The following ASB13 variants were observed in gnomAD, a reference collection of about 807,000 sequenced individuals.
ASB13 encodes ankyrin repeat and SOCS box containing 13, also known as ankyrin repeat and SOCS box protein 13.
A neutral mutation model predicts 28.8 loss-of-function variants in ASB13; 33 were observed. The observed-to-expected ratio is 1.15, with a 90% CI of 0.87 to 1.53. The LOEUF is 1.53. ASB13 is among the 40% of genes most tolerant of loss of function. The pLI is 0.00. For missense variants in ASB13, 414 were observed against 390.1 expected, an observed-to-expected ratio of 1.06 and a Z score of -0.52; for synonymous variants, 182 against 172.9, an observed-to-expected ratio of 1.05 and a Z score of -0.41.
Position 5,644,498 on chromosome 10 carries a change from A to C in ASB13, c.518-2537T>G, listed in dbSNP as rs1834853761. On this transcript the variant is annotated intron_variant, in intron 4 of 5. Coordinates refer to ENST00000357700, the MANE Select transcript of ASB13 (RefSeq NM_024701.4). This position sits in a 1 kb window ranked among gnomAD's most constrained non-coding sequence, Gnocchi z 5.1. ...ATGACAGAGTGAGGCCCATAGTGAG[A>C]AAGAGAACATAAACAGGTACTCGTT... is the stretch of plus-strand genomic sequence containing the variant. 6.6e-6 allele frequency among the ~76,000 whole-genome samples: 1 copy of C among 151,842 alleles called. No homozygotes were observed. Among genetic ancestry groups the C allele is most frequent in the Non-Finnish European group, 1.5e-5 (1 of 67,960 alleles).
In ASB13 at chr10:5,659,457, A is replaced by G. The variant is rs932085796; in HGVS notation, c.44-6407T>C. On this transcript the variant is annotated intron_variant, in intron 1 of 5. Coordinates refer to ENST00000357700, the MANE Select transcript of ASB13 (RefSeq NM_024701.4). The surrounding 1 kb of genome is among the most constrained non-coding windows in gnomAD (Gnocchi z 5.8). ...AGGCCCTGTCCCCAGGCTCCCCGTCATGCACACAGCCGTGTCCAGTGACAC... is the reference window on the plus strand; with the variant it reads ...AGGCCCTGTCCCCAGGCTCCCCGTCGTGCACACAGCCGTGTCCAGTGACAC... 2.0e-5 allele frequency among the ~76,000 whole-genome samples: 3 copies of G among 152,174 alleles called. No individual in the cohort carries two copies. Among genetic ancestry groups the G allele is most frequent in the Non-Finnish European group, 4.4e-5 (3 of 68,022 alleles).
At chr10:5,648,584 AGGCAAACACCCCC>A (rs1564217039) in intron 4 of ASB13, among the ~76,000 whole-genome samples, 1 of 106,754 alleles carries the variant, frequency 9.4e-6, no homozygotes, top group East Asian at 3.7e-4. Context: ...ACACCCACGC[AGGCAAACACCCCC>A]TCGGGTAAAC....
In ASB13 at chr10:5,649,063, T is replaced by C. The variant is rs1203605858; in HGVS notation, c.424A>G (p.Asn142Asp). 1.2e-6 allele frequency: 2 copies of C among 1,614,134 alleles called. No homozygotes were observed. The highest frequency in any genetic ancestry group is 2.2e-5 in the East Asian group (1 of 44,894). ...CVRLLIDVGA[N>D]LEAHDCHFGT... ...AAATGGCAATCGTGCGCTTCCAGAT[T>C]GGCCCCGACGTCAATAAGAAGCCTC... The change falls in exon 4 of 6, where the codon AAT becomes GAT. Residue 142 changes from asparagine to aspartate, a missense_variant. Coordinates refer to ENST00000357700, the MANE Select transcript of ASB13 (RefSeq NM_024701.4). The surrounding 1 kb of genome is among the most constrained non-coding windows in gnomAD (Gnocchi z 6.4).
In ASB13 at chr10:5,645,930, A is replaced by C. The variant is rs892555198; in HGVS notation, c.517+3040T>G. ...TGTTTGAAATTTTCCGCAATGAAAA[A>C]ATGGTTTCTAAGAAGAAGATGATGA... On this transcript the variant is annotated intron_variant, in intron 4 of 5. Coordinates refer to ENST00000357700, the MANE Select transcript of ASB13 (RefSeq NM_024701.4). This position sits in a 1 kb window ranked among gnomAD's most constrained non-coding sequence, Gnocchi z 5.4. Among the ~76,000 whole-genome samples the C allele has an allele frequency of 6.6e-6, 1 of 152,118 alleles. No homozygotes were observed. Among genetic ancestry groups the C allele is most frequent in the African/African-American group, 2.4e-5 (1 of 41,412 alleles).
Position 5,650,806 on chromosome 10 carries a change from T to A in ASB13, c.382+407A>T, listed in dbSNP as rs1834971811. Among the ~76,000 whole-genome samples the A allele has an allele frequency of 6.6e-6, 1 of 152,170 alleles. No homozygotes were observed. Among genetic ancestry groups the A allele is most frequent in the Non-Finnish European group, 1.5e-5 (1 of 68,014 alleles). ...TGAGCCTGCAGGACCAGCACTGTTTTGAGAGCACCACGCACAGCCTCCTGG... is the reference window on the plus strand; with the variant it reads ...TGAGCCTGCAGGACCAGCACTGTTTAGAGAGCACCACGCACAGCCTCCTGG... On this transcript the variant is annotated intron_variant, in intron 3 of 5. Coordinates refer to ENST00000357700, the MANE Select transcript of ASB13 (RefSeq NM_024701.4). This position sits in a 1 kb window ranked among gnomAD's most constrained non-coding sequence, Gnocchi z 6.0.
In ASB13 at chr10:5,652,433, A is replaced by G. The variant is rs975825971; in HGVS notation, c.231+430T>C. On this transcript the variant is annotated intron_variant, in intron 2 of 5. Transcript: ENST00000357700. The surrounding 1 kb of genome is among the most constrained non-coding windows in gnomAD (Gnocchi z 5.0). ...GCTTAATACTAGCCAGGGTGGGAAC[A>G]TTTACACCAGGGAAAGCAGCAACAC... 1.3e-5 allele frequency among the ~76,000 whole-genome samples: 2 copies of G among 152,146 alleles called. No individual in the cohort carries two copies. The highest frequency in any genetic ancestry group is 4.8e-5 in the African/African-American group (2 of 41,424).
At position 5,642,658 on chromosome 10, in the gene ASB13, T is replaced by TC. The variant is rs1834828043; in HGVS notation, c.518-698_518-697insG. 2.3e-6 allele frequency: 1 copy of TC among 441,206 alleles called. No homozygotes were observed. Among genetic ancestry groups the TC allele is most frequent in the Non-Finnish European group, 3.8e-6 (1 of 263,998 alleles). 27.3% of individuals were successfully genotyped at this position (441,206 alleles called of 1,614,324 possible). ...CTAAATATGGCTGGTTTTGGGTTTTTTTTTTTGAGACAGAGTCTCACTCTG... is the reference window on the plus strand; with the variant it reads ...CTAAATATGGCTGGTTTTGGGTTTTTCTTTTTTGAGACAGAGTCTCACTCTG... On this transcript the variant is annotated intron_variant, in intron 4 of 5. Coordinates refer to ENST00000357700, the MANE Select transcript of ASB13 (RefSeq NM_024701.4). The surrounding 1 kb of genome is among the most constrained non-coding windows in gnomAD (Gnocchi z 4.1).
chr10:5,663,914 G>A lies in ASB13; in HGVS notation c.43+2595C>T, dbSNP rs1168402722. Among the ~76,000 whole-genome samples the A allele has an allele frequency of 6.6e-6, 1 of 152,178 alleles. No individual in the cohort carries two copies. The highest frequency in any genetic ancestry group is 1.9e-4 in the East Asian group (1 of 5,196). ...TCTGACACTGAAATCAAGAGCGATAGAGCTGTGTTTCTGATTAAACACGGA... is the reference window on the plus strand; with the variant it reads ...TCTGACACTGAAATCAAGAGCGATAAAGCTGTGTTTCTGATTAAACACGGA... On this transcript the variant is annotated intron_variant, in intron 1 of 5. Coordinates refer to ENST00000357700, the MANE Select transcript of ASB13 (RefSeq NM_024701.4). The surrounding 1 kb of genome is among the most constrained non-coding windows in gnomAD (Gnocchi z 4.9).
In ASB13 at chr10:5,641,839, G is replaced by A. The variant is rs779629017; in HGVS notation, c.640C>T (p.Arg214Cys). 25 of 1,613,560 alleles carry A rather than the reference G, an allele frequency of 1.5e-5. No individual in the cohort carries two copies. The highest frequency in any genetic ancestry group is 3.3e-5 in the Admixed American group (2 of 59,958). Residue 214 changes from arginine (R) to cysteine (C), a missense_variant, in exon 5 of 6, where the codon CGC (arginine) becomes TGC (cysteine). Coordinates refer to ENST00000357700, the MANE Select transcript of ASB13 (RefSeq NM_024701.4). The surrounding 1 kb of genome is among the most constrained non-coding windows in gnomAD (Gnocchi z 8.4). ...FGGNIYARDN[R>C]GKKPSDYTWS... The stretch of plus-strand genomic sequence containing the variant: ...GTGTAGTCAGACGGCTTCTTCCCGC[G>A]GTTGTCCCGGGCGTAGATGTTGCCG...
rs1266607529 is a variant in ASB13 at position 5,644,292 on chromosome 10, G to A, written c.518-2331C>T. Among the ~76,000 whole-genome samples the A allele has an allele frequency of 1.3e-5, 2 of 152,024 alleles. No homozygotes were observed. The highest frequency in any genetic ancestry group is 2.9e-5 in the Non-Finnish European group (2 of 68,012). On this transcript the variant is annotated intron_variant, in intron 4 of 5. Coordinates refer to ENST00000357700, the MANE Select transcript of ASB13 (RefSeq NM_024701.4). This position sits in a 1 kb window ranked among gnomAD's most constrained non-coding sequence, Gnocchi z 5.1. ...GCGGATCTCTTGGGCCCAGGAAATC[G>A]AGACCAGCCTGCGCAACATAGTGAG...
chr10:5,646,417 G>A (rs913885903), intron 4 of ASB13, among the ~76,000 whole-genome samples: 21 of 152,226 alleles, frequency 1.4e-4, no homozygotes, highest in African/African-American at 4.8e-4. Flanking sequence ...TTTCCACTCC[G>A]CTGAAAGAGC....
intron 1 of ASB13, among the ~76,000 whole-genome samples, chr10:5,662,533 G>GTGC (rs754813507): frequency 1.5e-4 from 1 of 6,682 alleles, no homozygotes; most frequent in Non-Finnish European, 8.1e-4. Flanking sequence ...CTGTCGAGAA[G>GTGC]GGGGGGGGAG....
chr10:5,657,122 T>TC (rs1241299039), intron 1 of ASB13, among the ~76,000 whole-genome samples: 1 of 152,156 alleles, frequency 6.6e-6, no homozygotes, highest in Non-Finnish European at 1.5e-5. Context: ...TTCTAGTGAA[T>TC]CACATCAGCT....
At chr10:5,648,593 C>A (rs1408146960) in intron 4 of ASB13, among the ~76,000 whole-genome samples, 1 of 146,650 alleles carries the variant, frequency 6.8e-6, no homozygotes, top group Non-Finnish European at 1.5e-5. Flanking sequence ...CAGGCAAACA[C>A]CCCCTCGGGT....
chr10:5,666,414 G>A (rs1835261132), intron 1 of ASB13, 95 bp downstream of exon 1: 2 of 1,107,558 alleles, frequency 1.8e-6, no homozygotes, highest in South Asian at 3.2e-5. Flanking sequence ...CGCGGGGCGC[G>A]CCACCACCTC....
At position 5,648,966 on chromosome 10, in the gene ASB13, T is replaced by C. The variant is rs1834939200; in HGVS notation, c.517+4A>G. 2 of 1,613,364 alleles carry C rather than the reference T, an allele frequency of 1.2e-6. No individual in the cohort carries two copies. ...AACACCCGCTCGGGCAAACACCCAC[T>C]CACCTGCATTGAGCAGCACTTTGAC... is the stretch of plus-strand genomic sequence containing the variant. On this transcript the variant is annotated splice_donor_region_variant and intron_variant, in intron 4 of 5. Coordinates refer to ENST00000357700, the MANE Select transcript of ASB13 (RefSeq NM_024701.4).
Position 5,641,655 on chromosome 10 carries a change from G to C in ASB13, c.709+115C>G. On this transcript the variant is annotated intron_variant, in intron 5 of 5. Coordinates refer to ENST00000357700, the MANE Select transcript of ASB13 (RefSeq NM_024701.4). The surrounding 1 kb of genome is among the most constrained non-coding windows in gnomAD (Gnocchi z 8.4). Reference sequence around the variant, plus strand: ...CTTAAGGGTCTGTCCTAGCGCAGAGGACAGGAGCCAGGACTAACAGCCCAG... The same window carrying C: ...CTTAAGGGTCTGTCCTAGCGCAGAGCACAGGAGCCAGGACTAACAGCCCAG... 8.7e-7 allele frequency: 1 copy of C among 1,143,842 alleles called. No individual in the cohort carries two copies. The highest frequency in any genetic ancestry group is 1.2e-6 in the Non-Finnish European group (1 of 814,806). The allele number at this position is 1,143,842 out of a possible 1,614,324, so 70.9% of individuals were successfully genotyped here. A position where few individuals can be genotyped will look rare whatever the true frequency, so the allele number is the denominator to read the frequency against.
chr10:5,647,376 A>G (rs1473558198), intron 4 of ASB13, among the ~76,000 whole-genome samples: 1 of 152,250 alleles, frequency 6.6e-6, no homozygotes, highest in African/African-American at 2.4e-5. Flanking sequence ...CTGTGCTAAC[A>G]GTCACTTTGG....
rs1169688393 is a variant in ASB13 at position 5,642,156 on chromosome 10, TC to T, written c.518-196del. 6.6e-6 allele frequency among the ~76,000 whole-genome samples: 1 copy of T among 151,952 alleles called. No individual in the cohort carries two copies. The highest frequency in any genetic ancestry group is 1.5e-5 in the Non-Finnish European group (1 of 67,980). On this transcript the variant is annotated intron_variant, in intron 4 of 5. Transcript: ENST00000357700. The surrounding 1 kb of genome is among the most constrained non-coding windows in gnomAD (Gnocchi z 4.1). The stretch of plus-strand genomic sequence containing the variant: ...AGCAGGAACTACTTACTGTCCCCAC[TC>T]ATGAGAGATAAAGGTAGGCAGCAAT...
Sources: allele counts gnomAD v4.1 joint callset (sites outside exome capture counted in the v4.1 genomes callset), GRCh38; gene constraint gnomAD v4.1.1; non-coding constraint Gnocchi (gnomAD v3.1); transcripts MANE v1.5; gene names NCBI Gene and HGNC (gene_info 2026-07-23, HGNC 2026-07-21).